The following TJP1 variants were observed in gnomAD, a reference collection of about 807,000 sequenced individuals.
TJP1 encodes tight junction protein 1, also known as tight junction protein ZO-1.
In TJP1, 43 loss-of-function variants were observed where a neutral mutation model predicts 194.2. The observed-to-expected ratio is 0.22, with a 90% CI of 0.17 to 0.29. The LOEUF (loss-of-function observed/expected upper bound fraction) is 0.29. Among genes scored for constraint, TJP1 ranks in the 10% least tolerant of loss-of-function variants. The probability of loss-of-function intolerance (pLI) is 1.00; values close to 1 mark genes in which losing one functional copy is unlikely to be tolerated. For missense variants in TJP1, 1,971 were observed against 2,185.7 expected (o/e 0.90, Z 1.96); for synonymous variants, 801 against 779.0 (o/e 1.03, Z -0.47).
chr15:29,908,886 G>A (rs891630626), intron 2 of TJP1, among the ~76,000 whole-genome samples: 1 of 151,874 alleles, frequency 6.6e-6, no homozygotes, highest in African/African-American at 2.4e-5. Context: ...CGGGCGCGGT[G>A]GCTCACGCCT....
rs1402663996 is a variant in TJP1, at chr15:29,819,672, T to C, written c.27+2330A>G. On this transcript the variant is annotated intron_variant, in intron 1 of 27. Coordinates refer to ENST00000614355, the MANE Select transcript of TJP1 (RefSeq NM_001330239.4). ...TATCAATATGTCAAGTTTTCTACAA[T>C]ACAACACTAGAAGACACTGACTTGG... Among the ~76,000 whole-genome samples, 4 of 152,322 alleles carry C rather than the reference T, an allele frequency of 2.6e-5. No individual in the cohort carries two copies. The East Asian group carries it at 5.8e-4, about 22-fold the overall frequency.
Position 29,939,470 on chromosome 15 carries a change from C to T in TJP1, c.306+16762G>A, listed in dbSNP as rs574309236. Among the ~76,000 whole-genome samples the T allele has an allele frequency of 4.5e-4, 69 of 152,288 alleles. 1 individual carries two copies. In the South Asian group the frequency reaches 0.014, roughly 31 times the overall value. ...TTCACAGCCCAAACCAGAGCCTACACCTGATTTACCATTAGCCATTTCCCA... is the reference window on the plus strand; with the variant it reads ...TTCACAGCCCAAACCAGAGCCTACATCTGATTTACCATTAGCCATTTCCCA... On this transcript the variant is annotated intron_variant, in intron 2 of 28. Transcript: ENST00000356107.
chr15:29,876,890 G>T (rs1289126121), intron 2 of TJP1, among the ~76,000 whole-genome samples: 5 of 152,116 alleles, frequency 3.3e-5, no homozygotes, highest in Non-Finnish European at 5.9e-5. Flanking sequence ...ACCTTTTCCT[G>T]TGACACATTT....
Position 29,759,370 on chromosome 15 carries a change from G to T in TJP1, c.1010+1769C>A, listed in dbSNP as rs181005490. 2.6e-5 allele frequency: 4 copies of T among 152,080 alleles called. No homozygotes were observed. The East Asian group carries it at 7.7e-4, about 29-fold the overall frequency. The allele number at this position is 152,080 out of a possible 1,614,324, so 9.4% of individuals were successfully genotyped here. A position where few individuals can be genotyped will look rare whatever the true frequency, so the allele number is the denominator to read the frequency against. On this transcript the variant is annotated intron_variant, in intron 8 of 27. Transcript: ENST00000614355. ...GAGGTCCAATTGACAAATAAACATTGTATCTATTAAAGGTGTACAACAGTG... is the reference window on the plus strand; with the variant it reads ...GAGGTCCAATTGACAAATAAACATTTTATCTATTAAAGGTGTACAACAGTG...
At chr15:29,758,098 T>C (rs1444744860) in intron 8 of TJP1, among the ~76,000 whole-genome samples, 1 of 152,228 alleles carries the variant, frequency 6.6e-6, no homozygotes, top group Admixed American at 6.5e-5. Context: ...ATACTGAATA[T>C]AATACATCTA....
At chr15:29,949,227 C>CCACCACTACCTCCACCTT (rs1283040241) in intron 2 of TJP1, among the ~76,000 whole-genome samples, 2 of 108,542 alleles carry the variant, frequency 1.8e-5, no homozygotes, top group African/African-American at 4.6e-5. Context: ...TCCACTTTCA[C>CCACCACTACCTCCACCTT]CACCACTACC....
At chr15:29,949,682 T>G (rs1384424810) in intron 2 of TJP1, among the ~76,000 whole-genome samples, 1 of 30,224 alleles carries the variant, frequency 3.3e-5, no homozygotes, top group Non-Finnish European at 6.5e-5. Context: ...CACCTCCACC[T>G]TCACCACCAC....
intron 1 of TJP1, among the ~76,000 whole-genome samples, chr15:29,965,382 A>G (rs2039795312): frequency 6.6e-6 from 1 of 151,880 alleles, no homozygotes; most frequent in South Asian, 2.1e-4. Context: ...GCTAATTTTT[A>G]TATATTTTTA....
At chr15:29,895,393 A>G (rs1383464263) in intron 2 of TJP1, among the ~76,000 whole-genome samples, 1 of 152,218 alleles carries the variant, frequency 6.6e-6, no homozygotes, top group African/African-American at 2.4e-5. Flanking sequence ...TTCATTGCTC[A>G]TAAGTTCTAC....
In TJP1 at chr15:29,742,642, C is replaced by T. The variant is rs986506540; in HGVS notation, c.1150G>A (p.Glu384Lys). Residue 384 changes from glutamate (E) to lysine (K), a missense_variant and splice_region_variant, in exon 9 of 28, where the codon GAA becomes AAA. Glu to Lys is a moderately conservative substitution (Grantham distance 56). Around this residue, in one of 5 missense-constraint regions of TJP1, gnomAD observed 192 missense variants for 182.3 expected, o/e 1.05. Transcript: ENST00000614355. ...GAACTTAGTGTTTCGTTATGCTTAC[C>T]TGGAAGAGAAGGTGTTTGTTTCTCA... ...RNEKQTPSLP[E>K]PKPVYAQVGQ... 5.1e-6 allele frequency: 8 copies of T among 1,574,256 alleles called. No individual in the cohort carries two copies. Among genetic ancestry groups the T allele is most frequent in the Non-Finnish European group, 6.9e-6 (8 of 1,164,094 alleles).
chr15:29,716,278 G>T (rs2042556278), intron 23 of TJP1, among the ~76,000 whole-genome samples: 1 of 152,168 alleles, frequency 6.6e-6, no homozygotes, highest in South Asian at 2.1e-4. Flanking sequence ...AATAAAAACA[G>T]AAAAGAAAAA....
At chr15:29,829,635 A>G (rs1383476167) in intron 2 of TJP1, among the ~76,000 whole-genome samples, 1 of 29,824 alleles carries the variant, frequency 3.4e-5, no homozygotes, top group Non-Finnish European at 9.3e-5. Flanking sequence ...CCTTAAAAAA[A>G]AGAAAAAAAA....
intron 2 of TJP1, among the ~76,000 whole-genome samples, chr15:29,798,993 G>A (rs1301539121): frequency 2.0e-5 from 3 of 152,214 alleles, no homozygotes; most frequent in African/African-American, 2.4e-5. Flanking sequence ...TTAAGTGGAC[G>A]TGAGGGGACC....
chr15:29,821,927 G>A (rs2050399955), intron 1 of TJP1, 75 bp downstream of exon 1: 1 of 1,176,688 alleles, frequency 8.5e-7, no homozygotes. Context: ...GGGAGGGCGG[G>A]ACGCGGGCCA....
At chr15:29,927,502 GA>G (rs993833029) in intron 2 of TJP1, among the ~76,000 whole-genome samples, 1 of 151,952 alleles carries the variant, frequency 6.6e-6, no homozygotes, top group Non-Finnish European at 1.5e-5. Flanking sequence ...AGAAAAAGAG[GA>G]AAAAATAAAT....
At chr15:29,758,384 C>A (rs1481058599) in intron 8 of TJP1, among the ~76,000 whole-genome samples, 1 of 151,494 alleles carries the variant, frequency 6.6e-6, no homozygotes, top group Non-Finnish European at 1.5e-5. Context: ...ACTTAAGATA[C>A]CTAGGAGAAA....
chr15:29,768,858 A>C (rs2046478982), intron 4 of TJP1, among the ~76,000 whole-genome samples: 1 of 152,236 alleles, frequency 6.6e-6, no homozygotes, highest in African/African-American at 2.4e-5. Context: ...CCTACTTCAA[A>C]ATAGTTTAGC....
chr15:29,713,760 T>C (rs1359965756), intron 23 of TJP1, among the ~76,000 whole-genome samples: 1 of 152,190 alleles, frequency 6.6e-6, no homozygotes, highest in African/African-American at 2.4e-5. Context: ...TTATTCTCCT[T>C]TCCATTTCTC....
chr15:29,941,574 C>A (rs760624902), intron 2 of TJP1, among the ~76,000 whole-genome samples: 3 of 152,154 alleles, frequency 2.0e-5, no homozygotes, highest in Non-Finnish European at 4.4e-5. Context: ...TCCGGTCCCC[C>A]CTCTGCCCCC....
Sources: gnomAD v4.1 joint callset for allele counts (sites outside exome capture counted in the v4.1 genomes callset) on GRCh38, gnomAD v4.1.1 for gene constraint, gnomAD v4.1.1 regional missense constraint, MANE v1.5 for transcripts, NCBI Gene and HGNC (gene_info 2026-07-23, HGNC 2026-07-21) for gene names.